Variants in TMEM127 observed in about 807,000 individuals in gnomAD.
TMEM127 encodes transmembrane protein 127.
Under a neutral mutation model 20.1 loss-of-function variants are expected in TMEM127, and 21 were observed. The ratio of observed to expected loss-of-function variants is 1.04; its 90% CI spans 0.74 to 1.50. The LOEUF is 1.50. Among genes scored for constraint, TMEM127 ranks in the 40% most tolerant of loss-of-function variants. The pLI, the probability that TMEM127 is intolerant of heterozygous loss-of-function variation, is 0.00. For synonymous variants in TMEM127, 150 were observed against 144.7 expected (o/e 1.04, Z -0.26); for missense variants, 303 against 317.4 (o/e 0.95, Z 0.34).
At position 96,249,091 on chromosome 2, in the gene TMEM127, GGTGT is replaced by G. The variant is rs71301417; in HGVS notation, c.*4713_*4716del. Reference sequence around the variant, plus strand: ...GTGAGGAACCTGTGTGTGTGTGTGTGGTGTGTGTGTGTGTGTGTGTGTGTGTTTG... The same window carrying G: ...GTGAGGAACCTGTGTGTGTGTGTGTGGTGTGTGTGTGTGTGTGTGTGTTTG... On this transcript the variant is annotated 3_prime_UTR_variant, in exon 4 of 4. Coordinates refer to ENST00000258439, the MANE Select transcript of TMEM127 (RefSeq NM_017849.4). 275 of 217,876 alleles carry G rather than the reference GGTGT, an allele frequency of 1.3e-3. No individual in the cohort carries two copies. Among genetic ancestry groups the G allele is most frequent in the East Asian group, 1.6e-3 (25 of 15,198 alleles). 13.5% of individuals were successfully genotyped at this position (217,876 alleles called of 1,614,324 possible).
Position 96,264,040 on chromosome 2 carries a change from A to G in TMEM127, c.244+1098T>C, listed in dbSNP as rs972010688. On this transcript the variant is annotated intron_variant, in intron 2 of 3. Transcript: ENST00000258439. The stretch of plus-strand genomic sequence containing the variant: ...ATCTGGAAACAACCAGTTGTCCCCA[A>G]CCTTCTACAAAATCACCCTACAGCT... 1.4e-4 allele frequency among the ~76,000 whole-genome samples: 21 copies of G among 152,238 alleles called. 1 individual carries two copies. Among genetic ancestry groups the G allele is most frequent in the African/African-American group, 4.6e-4 (19 of 41,462 alleles).
In TMEM127 at chr2:96,253,142, C is replaced by T. The variant is rs973875803; in HGVS notation, c.*666G>A. 8.6e-6 allele frequency: 2 copies of T among 233,480 alleles called. No individual in the cohort carries two copies. The allele number at this position is 233,480 out of a possible 1,614,324, so 14.5% of individuals were successfully genotyped here. On this transcript the variant is annotated 3_prime_UTR_variant, in exon 4 of 4. Coordinates refer to ENST00000258439, the MANE Select transcript of TMEM127 (RefSeq NM_017849.4). This position sits in a 1 kb window ranked among gnomAD's most constrained non-coding sequence, Gnocchi z 4.3. The stretch of plus-strand genomic sequence containing the variant: ...GTCCTTGATAGGCACCAGGGGGCCT[C>T]AGTCTCACGCTGGCTCCTGCTCTCC...
intron 2 of TMEM127, among the ~76,000 whole-genome samples, chr2:96,259,633 A>G (rs1684276374): frequency 1.3e-5 from 2 of 152,254 alleles, no homozygotes; most frequent in Admixed American, 6.5e-5. Context: ...TGCAACCATC[A>G]GAGCCTGCTC....
chr2:96,259,569 T>C (rs1684275354), intron 2 of TMEM127, among the ~76,000 whole-genome samples: 1 of 152,124 alleles, frequency 6.6e-6, no homozygotes, highest in Non-Finnish European at 1.5e-5. Context: ...AGTCCTCACA[T>C]GGGGAATTAT....
In TMEM127 at chr2:96,253,342, GA is replaced by G. The variant is rs1684130772; in HGVS notation, c.*465del. 4.1e-6 allele frequency: 1 copy of G among 244,350 alleles called. No homozygotes were observed. The highest frequency in any genetic ancestry group is 5.9e-5 in the East Asian group (1 of 16,914). The allele number at this position is 244,350 out of a possible 1,614,324, so 15.1% of individuals were successfully genotyped here. On this transcript the variant is annotated 3_prime_UTR_variant, in exon 4 of 4. Coordinates refer to ENST00000258439, the MANE Select transcript of TMEM127 (RefSeq NM_017849.4). The surrounding 1 kb of genome is among the most constrained non-coding windows in gnomAD (Gnocchi z 4.3). The stretch of plus-strand genomic sequence containing the variant: ...CCTGGGGGCGGGTCACTCCGAGAAG[GA>G]AGGGGTCTGGGGGGCGTCAGCCCAG...
rs886056438 is a variant in TMEM127, at chr2:96,251,563, T to C, written c.*2245A>G. 2 of 232,168 alleles carry C rather than the reference T, an allele frequency of 8.6e-6. No individual in the cohort carries two copies. Among genetic ancestry groups the C allele is most frequent in the African/African-American group, 4.4e-5 (2 of 45,208 alleles). The allele number at this position is 232,168 out of a possible 1,614,324, so 14.4% of individuals were successfully genotyped here. On this transcript the variant is annotated 3_prime_UTR_variant, in exon 4 of 4. Transcript: ENST00000258439. ...AAAAAAAAATACAGCCTCATCAACA[T>C]CTCCTGCTTCTCTGAGACAAAGGGA...
intron 2 of TMEM127, among the ~76,000 whole-genome samples, chr2:96,261,320 G>C (rs1684308578): frequency 6.6e-6 from 1 of 151,754 alleles, no homozygotes; most frequent in African/African-American, 2.4e-5. Context: ...CTGTCACCCA[G>C]GCTGGAGTGC....
At position 96,248,966 on chromosome 2, in the gene TMEM127, C is replaced by T; in HGVS notation, c.*4842G>A. ...GTCCCACTCAGCTGAAGGGGCTGGC[C>T]AGTCCCGCATAAACCCTCCAGCTCT... On this transcript the variant is annotated 3_prime_UTR_variant, in exon 4 of 4. Transcript: ENST00000258439. The T allele has an allele frequency of 4.3e-6, 1 of 233,044 alleles. No individual in the cohort carries two copies. The highest frequency in any genetic ancestry group is 8.5e-6 in the Non-Finnish European group (1 of 117,958). The allele number at this position is 233,044 out of a possible 1,614,324, so 14.4% of individuals were successfully genotyped here.
intron 2 of TMEM127, among the ~76,000 whole-genome samples, chr2:96,255,964 C>A (rs773144967): frequency 1.6e-4 from 25 of 151,822 alleles, no homozygotes; most frequent in East Asian, 1.9e-4. Flanking sequence ...CCGAGAGAGA[C>A]CCTGTCTCTT....
chr2:96,255,665 G>A (rs1289899827), intron 2 of TMEM127, among the ~76,000 whole-genome samples: 1 of 152,148 alleles, frequency 6.6e-6, no homozygotes, highest in Non-Finnish European at 1.5e-5. Flanking sequence ...TGATAGTTTT[G>A]GAAACAGATA....
chr2:96,255,223 C>T (rs1326539436), intron 2 of TMEM127, among the ~76,000 whole-genome samples: 1 of 152,214 alleles, frequency 6.6e-6, no homozygotes, highest in Non-Finnish European at 1.5e-5. Flanking sequence ...CTCTTTCCAA[C>T]AGGACTAGCC....
chr2:96,255,818 GA>G (rs897917244), intron 2 of TMEM127, among the ~76,000 whole-genome samples: 55 of 145,680 alleles, frequency 3.8e-4, no homozygotes, highest in East Asian at 5.9e-4. Flanking sequence ...TCTCTTTGAG[GA>G]AAAAAAAAAA....
chr2:96,264,609 A>G (rs1167818124), intron 2 of TMEM127, among the ~76,000 whole-genome samples: 9 of 152,144 alleles, frequency 5.9e-5, no homozygotes, highest in Non-Finnish European at 1.3e-4. Flanking sequence ...GCACACCTAT[A>G]ATGGTTCCAA....
rs1044220990 is a variant in TMEM127 at position 96,251,077 on chromosome 2, T to C, written c.*2731A>G. 1.4e-5 allele frequency: 3 copies of C among 217,736 alleles called. No individual in the cohort carries two copies. The highest frequency in any genetic ancestry group is 2.2e-5 in the African/African-American group (1 of 44,464). The allele number at this position is 217,736 out of a possible 1,614,324, so 13.5% of individuals were successfully genotyped here. On this transcript the variant is annotated 3_prime_UTR_variant, in exon 4 of 4. Coordinates refer to ENST00000258439, the MANE Select transcript of TMEM127 (RefSeq NM_017849.4). ...GCCTGAAGAGCTCAGGGTTTGAAGG[T>C]TGGGCCTTGGGCGGGAGTCAGCTAC...
Position 96,249,897 on chromosome 2 carries a change from C to T in TMEM127, c.*3911G>A, listed in dbSNP as rs1474778411. The T allele has an allele frequency of 8.6e-6, 2 of 233,204 alleles. No homozygotes were observed. The highest frequency in any genetic ancestry group is 1.7e-5 in the Non-Finnish European group (2 of 118,084). 14.4% of individuals were successfully genotyped at this position (233,204 alleles called of 1,614,324 possible). Reference sequence around the variant, plus strand: ...CCAGGGTCCTCTCCTTGCGGCCCTTCACATCCCATGGCTTCTCGTGTGCGG... The same window carrying T: ...CCAGGGTCCTCTCCTTGCGGCCCTTTACATCCCATGGCTTCTCGTGTGCGG... On this transcript the variant is annotated 3_prime_UTR_variant, in exon 4 of 4. Transcript: ENST00000258439.
chr2:96,256,933 T>C (rs1417775364), intron 2 of TMEM127, among the ~76,000 whole-genome samples: 1 of 152,128 alleles, frequency 6.6e-6, no homozygotes, highest in Admixed American at 6.5e-5. Context: ...CAGGAAAAGC[T>C]AGGAAGCCAC....
At chr2:96,260,945 C>A (rs746968729) in intron 2 of TMEM127, among the ~76,000 whole-genome samples, 1 of 152,228 alleles carries the variant, frequency 6.6e-6, no homozygotes, top group Non-Finnish European at 1.5e-5. Context: ...CCCCGCAGGG[C>A]CTGGCAGTGT....
rs1684146217 is a variant in TMEM127, at chr2:96,253,938, A to G, written c.587T>C (p.Leu196Pro). The G allele has an allele frequency of 6.2e-7, 1 of 1,614,044 alleles. No individual in the cohort carries two copies. The highest frequency in any genetic ancestry group is 8.5e-7 in the Non-Finnish European group (1 of 1,179,916). Residue 196 changes from leucine (L) to proline (P), a missense_variant, in exon 4 of 4, where the codon CTG becomes CCG. Transcript: ENST00000258439. This position sits in a 1 kb window ranked among gnomAD's most constrained non-coding sequence, Gnocchi z 4.3. ...CTCTTCCTCTGTGGGGTAGTGGCGCAGGAGGTTGGCTGCCGTGGCCAGGAT... is the reference window on the plus strand; with the variant it reads ...CTCTTCCTCTGTGGGGTAGTGGCGCGGGAGGTTGGCTGCCGTGGCCAGGAT... ...ASILATAANL[L>P]RHYPTEEEEQ...
Position 96,248,898 on chromosome 2 carries a change from T to C in TMEM127, c.*4910A>G, listed in dbSNP as rs11551400. ...GTTGGCTGGAGGGGCCTCTCCCTCA[T>C]CTTGTACATCTTATGAAGCCCCTTA... On this transcript the variant is annotated 3_prime_UTR_variant, in exon 4 of 4. Coordinates refer to ENST00000258439, the MANE Select transcript of TMEM127 (RefSeq NM_017849.4). 52,173 of 231,976 alleles carry C rather than the reference T, an allele frequency of 0.22. 6,155 individuals are homozygous for C. The highest frequency in any genetic ancestry group is 0.32 in the East Asian group (5,248 of 16,450). 14.4% of individuals were successfully genotyped at this position (231,976 alleles called of 1,614,324 possible).
Sources: allele counts gnomAD v4.1 joint callset (sites outside exome capture counted in the v4.1 genomes callset), GRCh38; gene constraint gnomAD v4.1.1; non-coding constraint Gnocchi (gnomAD v3.1); transcripts MANE v1.5; gene names NCBI Gene and HGNC (gene_info 2026-07-23, HGNC 2026-07-21).